The following PXDNL variants were observed in gnomAD, a reference collection of about 807,000 sequenced individuals.
The protein encoded by PXDNL is probable oxidoreductase PXDNL.
A neutral mutation model predicts 150.8 loss-of-function variants in PXDNL; 145 were observed. The ratio of observed to expected loss-of-function variants is 0.96; its 90% CI spans 0.84 to 1.10. The LOEUF is 1.10. PXDNL is among the 50% of genes least tolerant of loss of function. The probability of loss-of-function intolerance (pLI) is 0.00; values close to 1 mark genes in which losing one functional copy is unlikely to be tolerated. For missense variants in PXDNL, 2,087 were observed against 1,873.9 expected (o/e 1.11, Z -2.10); for synonymous variants, 757 against 725.7 (o/e 1.04, Z -0.69).
chr8:51,700,305 A>T (rs112454216), intron 1 of PXDNL, among the ~76,000 whole-genome samples: 3 of 152,062 alleles, frequency 2.0e-5, no homozygotes, highest in African/African-American at 7.2e-5. Context: ...GTACACATGT[A>T]TACACACATA....
rs1227755074 is a variant in PXDNL, at chr8:51,408,237, C to T, written c.3387G>A (p.Ala1129=). The change falls in exon 17 of 23, where the codon GCG becomes GCA. Residue 1129 remains alanine (A), a synonymous_variant. Transcript: ENST00000356297. ...SPELTQRLFS[A]AYSAAVDSAA... The stretch of plus-strand genomic sequence containing the variant: ...CCGAATCCACGGCCGCAGAATAAGC[C>T]GCGGAGAAGAGCCTCTGGGTCAGCT... The T allele has an allele frequency of 4.0e-5, 64 of 1,613,816 alleles. No homozygotes were observed. Among genetic ancestry groups the T allele is most frequent in the Non-Finnish European group, 5.4e-5 (64 of 1,179,890 alleles).
At chr8:51,380,777 GTTC>G (rs1455314279) in intron 17 of PXDNL, among the ~76,000 whole-genome samples, 1 of 152,090 alleles carries the variant, frequency 6.6e-6, no homozygotes, top group Admixed American at 6.5e-5. Context: ...TTTTTGAGAT[GTTC>G]TTTATTTAGT....
chr8:51,805,116 A>G (rs2037661577), intron 1 of PXDNL, among the ~76,000 whole-genome samples: 1 of 151,898 alleles, frequency 6.6e-6, no homozygotes, highest in African/African-American at 2.4e-5. Context: ...GGAAGTTTGA[A>G]TGTTGACACA....
intron 3 of PXDNL, among the ~76,000 whole-genome samples, chr8:51,567,329 T>C (rs980104867): frequency 1.3e-5 from 2 of 151,812 alleles, no homozygotes; most frequent in African/African-American, 4.8e-5. Flanking sequence ...ACTTACTAGT[T>C]TTCTGCCTGC....
At chr8:51,410,380 A>T (rs186724933) in intron 16 of PXDNL, among the ~76,000 whole-genome samples, 1 of 152,366 alleles carries the variant, frequency 6.6e-6, no homozygotes, top group Non-Finnish European at 1.5e-5. Flanking sequence ...CACTTTATCC[A>T]TGTTAGCCAG....
At position 51,679,490 on chromosome 8, in the gene PXDNL, CA is replaced by C. The variant is rs1470852895; in HGVS notation, c.165-24731del. On this transcript the variant is annotated intron_variant, in intron 1 of 22. Coordinates refer to ENST00000356297, the MANE Select transcript of PXDNL (RefSeq NM_144651.5). The stretch of plus-strand genomic sequence containing the variant: ...TAAATAGGAGTAGGATTTGCTAAAT[CA>C]GGGGTGGAGAATATAGAGATTGCTG... Among the ~76,000 whole-genome samples, 4 of 152,170 alleles carry C rather than the reference CA, an allele frequency of 2.6e-5. No homozygotes were observed. In the East Asian group the frequency reaches 7.7e-4, roughly 29 times the overall value.
intron 3 of PXDNL, among the ~76,000 whole-genome samples, chr8:51,580,094 C>A (rs1371759151): frequency 6.6e-6 from 1 of 151,818 alleles, no homozygotes; most frequent in African/African-American, 2.4e-5. Flanking sequence ...ATTTAAATAA[C>A]ATTTTTAAAT....
chr8:51,390,025 G>A (rs1270766122), intron 17 of PXDNL, among the ~76,000 whole-genome samples: 1 of 151,780 alleles, frequency 6.6e-6, no homozygotes, highest in Non-Finnish European at 1.5e-5. Context: ...TACAAAATAA[G>A]CTAATGACTT....
intron 17 of PXDNL, among the ~76,000 whole-genome samples, chr8:51,375,418 C>T (rs757471603): frequency 6.6e-6 from 1 of 152,188 alleles, no homozygotes; most frequent in Non-Finnish European, 1.5e-5. Flanking sequence ...TCTCTCTACT[C>T]TAATGATAAA....
intron 1 of PXDNL, chr8:51,722,289 C>G (rs1033237215): frequency 6.6e-6 from 1 of 152,426 alleles, no homozygotes; most frequent in Non-Finnish European, 1.5e-5. Context: ...ACTCCAACCC[C>G]TATGGGAGGG....
chr8:51,330,857 A>AC (rs1475209954), intron 21 of PXDNL, among the ~76,000 whole-genome samples: 2 of 152,200 alleles, frequency 1.3e-5, no homozygotes, highest in African/African-American at 4.8e-5. Flanking sequence ...TATGGGTAAG[A>AC]CTAGAGTATG....
At chr8:51,417,965 G>A (rs574226592) in intron 14 of PXDNL, among the ~76,000 whole-genome samples, 11 of 152,226 alleles carry the variant, frequency 7.2e-5, no homozygotes, top group South Asian at 4.2e-4. Context: ...AGATTAAGAC[G>A]TTTTATTTGT....
chr8:51,792,728 A>T (rs4352840), intron 1 of PXDNL, among the ~76,000 whole-genome samples: 104,540 of 152,108 alleles, frequency 0.69, 42,380 homozygotes, highest in Non-Finnish European at 0.9. Flanking sequence ...GTGGCCAGAC[A>T]GCCTCTTCAG....
At chr8:51,789,421 A>G (rs2037490488) in intron 1 of PXDNL, among the ~76,000 whole-genome samples, 2 of 152,210 alleles carry the variant, frequency 1.3e-5, no homozygotes, top group South Asian at 4.1e-4. Context: ...ACAAGTCTTC[A>G]GGGATGAACA....
At chr8:51,666,971 C>T (rs1485395293) in intron 1 of PXDNL, among the ~76,000 whole-genome samples, 2 of 152,130 alleles carry the variant, frequency 1.3e-5, no homozygotes, top group Admixed American at 6.5e-5. Flanking sequence ...TTTTCTGTTT[C>T]CCTCCCTTAG....
chr8:51,763,628 T>A (rs2037192423), intron 1 of PXDNL, among the ~76,000 whole-genome samples: 1 of 152,120 alleles, frequency 6.6e-6, no homozygotes, highest in Non-Finnish European at 1.5e-5. Context: ...TTTCTTTCGT[T>A]CCCGCTCTAA....
intron 2 of PXDNL, among the ~76,000 whole-genome samples, chr8:51,611,083 G>T (rs992644551): frequency 2.6e-5 from 4 of 152,112 alleles, no homozygotes; most frequent in African/African-American, 9.7e-5. Flanking sequence ...GTATTAGGGG[G>T]TCATCTTGGA....
intron 2 of PXDNL, among the ~76,000 whole-genome samples, chr8:51,600,840 A>G (rs986599207): frequency 2.2e-5 from 3 of 137,904 alleles, no homozygotes; most frequent in Admixed American, 7.3e-5. Context: ...ATAATAAATT[A>G]CATCTTATAT....
chr8:51,489,914 G>T (rs1483905232), intron 5 of PXDNL, among the ~76,000 whole-genome samples: 2 of 152,144 alleles, frequency 1.3e-5, no homozygotes, highest in African/African-American at 4.8e-5. Flanking sequence ...GAAGAATGGA[G>T]ACCAGAAACC....
Sources: allele counts gnomAD v4.1 joint callset (sites outside exome capture counted in the v4.1 genomes callset), GRCh38; gene constraint gnomAD v4.1.1; transcripts MANE v1.5; gene names NCBI Gene and HGNC (gene_info 2026-07-23, HGNC 2026-07-21).